ATP8A1: variants seen among roughly 807,000 people sequenced by gnomAD.
ATP8A1 encodes phospholipid-transporting ATPase IA.
A neutral mutation model predicts 177.7 loss-of-function variants in ATP8A1; 90 were observed. The ratio of observed to expected loss-of-function variants is 0.51; its 90% CI spans 0.43 to 0.60. ATP8A1 has a LOEUF of 0.60. Ranked by LOEUF, ATP8A1 falls within the 20% of genes least tolerant of loss-of-function variation. ATP8A1 has a pLI of 0.00. For missense variants in ATP8A1, 1,072 were observed against 1,392.8 expected (o/e 0.77, Z 3.67); for synonymous variants, 493 against 485.9 (o/e 1.01, Z -0.19).
chr4:42,574,525 C>A, intron 14 of ATP8A1, 94 bp downstream of exon 14: 3 of 984,162 alleles, frequency 3.0e-6, no homozygotes, highest in East Asian at 2.6e-5. Context: ...CCAAACAACC[C>A]CATACCCTCC....
intron 5 of ATP8A1, among the ~76,000 whole-genome samples, chr4:42,610,959 G>A (rs1032529796): frequency 6.6e-6 from 1 of 152,186 alleles, no homozygotes; most frequent in Non-Finnish European, 1.5e-5. Context: ...CAAGAAAGGT[G>A]TTGCTATTTT....
intron 27 of ATP8A1, among the ~76,000 whole-genome samples, chr4:42,462,716 C>T (rs916181792): frequency 1.3e-5 from 2 of 152,208 alleles, no homozygotes; most frequent in African/African-American, 4.8e-5. Context: ...CCACTGTCCT[C>T]CAGACCTCAG....
At chr4:42,425,563 AG>A (rs562549910) in intron 33 of ATP8A1, among the ~76,000 whole-genome samples, 1 of 151,640 alleles carries the variant, frequency 6.6e-6, no homozygotes, top group South Asian at 2.1e-4. Context: ...TTGGATGAAG[AG>A]GGGGGGAAAA....
intron 15 of ATP8A1, among the ~76,000 whole-genome samples, chr4:42,557,296 A>T (rs1166719155): frequency 4.6e-5 from 7 of 152,208 alleles, no homozygotes; most frequent in Non-Finnish European, 1.0e-4. Context: ...GAAGGAAAAA[A>T]ATCTAAGAAA....
chr4:42,621,117 G>A (rs567816962), intron 4 of ATP8A1, among the ~76,000 whole-genome samples: 1 of 152,302 alleles, frequency 6.6e-6, no homozygotes, highest in African/African-American at 2.4e-5. Context: ...ACAATTTAAA[G>A]GTTGGCAAGT....
chr4:42,562,484 A>C (rs1458089681), intron 15 of ATP8A1: 1 of 152,398 alleles, frequency 6.6e-6, no homozygotes, highest in Admixed American at 6.5e-5. Flanking sequence ...AAAGTTCTGC[A>C]CCTCCTGCTT....
In ATP8A1 at chr4:42,503,236, T is replaced by C. The variant is rs1400347409; in HGVS notation, c.2151+214A>G. ...CTGTCTCACAATATTACGCAAATCA[T>C]TTTGCAATTTCTTTTAGCTGTCACA... On this transcript the variant is annotated intron_variant, in intron 24 of 36. Coordinates refer to ENST00000381668, the MANE Select transcript of ATP8A1 (RefSeq NM_006095.2). Among the ~76,000 whole-genome samples, 3 of 152,236 alleles carry C rather than the reference T, an allele frequency of 2.0e-5. No individual in the cohort carries two copies. The South Asian group carries it at 6.2e-4, about 31-fold the overall frequency.
At chr4:42,475,500 A>AG (rs1200753403) in intron 25 of ATP8A1, among the ~76,000 whole-genome samples, 2 of 152,042 alleles carry the variant, frequency 1.3e-5, no homozygotes, top group East Asian at 3.9e-4. Context: ...ACAAAAAAAA[A>AG]AAAAAAATTC....
At position 42,552,589 on chromosome 4, in the gene ATP8A1, C is replaced by T; in HGVS notation, c.1435G>A (p.Glu479Lys). ...CAGACTGCCATCATTGTAAGAAATTCACATATTATAGGTGCAGTTGGCTGT... is the reference window on the plus strand; with the variant it reads ...CAGACTGCCATCATTGTAAGAAATTTACATATTATAGGTGCAGTTGGCTGT... ...NNHPTAPIICEFLTMMAVCHT... is the reference protein window; with the variant it reads ...NNHPTAPIICKFLTMMAVCHT... Residue 479 changes from glutamate (E) to lysine (K), a missense_variant, in exon 17 of 37, where the codon GAA becomes AAA. Transcript: ENST00000381668. 6.2e-7 allele frequency: 1 copy of T among 1,613,608 alleles called. No individual in the cohort carries two copies. Among genetic ancestry groups the T allele is most frequent in the Non-Finnish European group, 8.5e-7 (1 of 1,179,862 alleles).
At chr4:42,559,111 T>C (rs1730551177) in intron 15 of ATP8A1, among the ~76,000 whole-genome samples, 1 of 152,138 alleles carries the variant, frequency 6.6e-6, no homozygotes, top group South Asian at 2.1e-4. Flanking sequence ...CCTTGAGCTC[T>C]GGAGTTTGGG....
intron 6 of ATP8A1, among the ~76,000 whole-genome samples, chr4:42,593,930 G>A (rs1255133649): frequency 2.0e-5 from 3 of 151,854 alleles, no homozygotes; most frequent in African/African-American, 4.8e-5. Flanking sequence ...AGGGATTTAT[G>A]ACGAACAAGG....
chr4:42,645,862 C>A (rs1740474880), intron 1 of ATP8A1, among the ~76,000 whole-genome samples: 1 of 152,006 alleles, frequency 6.6e-6, no homozygotes, highest in African/African-American at 2.4e-5. Flanking sequence ...TGTAGAGCAG[C>A]CACCAGGATT....
intron 16 of ATP8A1, among the ~76,000 whole-genome samples, chr4:42,554,729 T>C (rs1729875042): frequency 6.6e-6 from 1 of 152,168 alleles, no homozygotes; most frequent in African/African-American, 2.4e-5. Flanking sequence ...AGTGTGATGG[T>C]TAATACTGAG....
At chr4:42,648,892 G>T (rs3113815) in intron 1 of ATP8A1, among the ~76,000 whole-genome samples, 13,319 of 152,156 alleles carry the variant, frequency 0.088, 1,226 homozygotes, top group African/African-American at 0.24. Flanking sequence ...TATCCATAAG[G>T]AGGAAGAAAA....
At chr4:42,540,469 C>A (rs1376913626) in intron 20 of ATP8A1, among the ~76,000 whole-genome samples, 3 of 151,818 alleles carry the variant, frequency 2.0e-5, no homozygotes, top group Admixed American at 1.3e-4. Context: ...AAAGGGGATA[C>A]CTGCACTCAC....
At chr4:42,422,690 C>T in intron 35 of ATP8A1, 117 bp downstream of exon 35, 1 of 769,802 alleles carries the variant, frequency 1.3e-6, no homozygotes, top group South Asian at 2.0e-5. Flanking sequence ...CCAAACCTGC[C>T]AATGACACTG....
Position 42,549,438 on chromosome 4 carries a change from A to G in ATP8A1, c.1603-376T>C, listed in dbSNP as rs531769368. Among the ~76,000 whole-genome samples the G allele has an allele frequency of 2.9e-4, 19 of 64,494 alleles. No individual in the cohort carries two copies. The East Asian group carries it at 0.012, about 40-fold the overall frequency. 42.3% of individuals were successfully genotyped at this position (64,494 alleles called of 152,430 possible). A position where few individuals can be genotyped will look rare whatever the true frequency, so the allele number is the denominator to read the frequency against. On this transcript the variant is annotated intron_variant, in intron 18 of 36. Transcript: ENST00000381668. ...TATGGGAACAATTAATATAGATAAT[A>G]GGGGGGAAAAAAGGGAAGCAATGAA...
At position 42,412,839 on chromosome 4, in the gene ATP8A1, T is replaced by C. The variant is rs1209769826; in HGVS notation, c.*77A>G. 5.7e-6 allele frequency: 7 copies of C among 1,222,148 alleles called. No individual in the cohort carries two copies. The African/African-American group carries it at 6.0e-5, about 10-fold the overall frequency. The allele number at this position is 1,222,148 out of a possible 1,614,324, so 75.7% of individuals were successfully genotyped here. On this transcript the variant is annotated 3_prime_UTR_variant, in exon 37 of 37. Transcript: ENST00000381668. The stretch of plus-strand genomic sequence containing the variant: ...TTCCTCTTCATGGACCAGACTGGAA[T>C]TGGTTAGCAGACTGCGGTGACAACC...
chr4:42,566,019 T>A (rs1231526555), intron 15 of ATP8A1, among the ~76,000 whole-genome samples: 2 of 152,188 alleles, frequency 1.3e-5, no homozygotes, highest in East Asian at 3.8e-4. Flanking sequence ...CTGCAGTAGG[T>A]AGCTACTGGT....
Sources: gnomAD v4.1 joint callset for allele counts (sites outside exome capture counted in the v4.1 genomes callset) on GRCh38, gnomAD v4.1.1 for gene constraint, MANE v1.5 for transcripts, NCBI Gene and HGNC (gene_info 2026-07-23, HGNC 2026-07-21) for gene names.